PTPRS: variants seen among roughly 807,000 people sequenced by gnomAD.
The protein encoded by PTPRS is protein tyrosine phosphatase receptor type S, also known as receptor-type tyrosine-protein phosphatase S.
A neutral mutation model predicts 215.3 loss-of-function variants in PTPRS; 63 were observed. The ratio of observed to expected loss-of-function variants is 0.29; its 90% CI spans 0.24 to 0.36. The LOEUF (loss-of-function observed/expected upper bound fraction) is 0.36, where lower values mean the gene tolerates loss of function less well. PTPRS is among the 10% of genes least tolerant of loss of function. The probability of loss-of-function intolerance (pLI) is 1.00; values close to 1 mark genes in which losing one functional copy is unlikely to be tolerated. For synonymous variants in PTPRS, 1,404 were observed against 1,191.4 expected, an observed-to-expected ratio of 1.18 and a Z score of -3.68; for missense variants, 2,258 against 2,825.8, an observed-to-expected ratio of 0.80 and a Z score of 4.56.
Position 5,258,142 on chromosome 19 carries a change from G to A in PTPRS, c.596-15C>T. The A allele has an allele frequency of 6.2e-7, 1 of 1,608,818 alleles. No individual in the cohort carries two copies. The highest frequency in any genetic ancestry group is 1.1e-5 in the South Asian group (1 of 90,964). ...CTGCAGGGCTCCTGTGGGAAGATGG[G>A]AAAAAGCTTGGTCTGTTAGAGGGGG... On this transcript the variant is annotated splice_polypyrimidine_tract_variant and intron_variant, in intron 7 of 37. Transcript: ENST00000262963.
intron 1 of PTPRS, among the ~76,000 whole-genome samples, chr19:5,315,892 C>T (rs1476882347): frequency 6.8e-6 from 1 of 147,674 alleles, no homozygotes; most frequent in Non-Finnish European, 1.5e-5. Flanking sequence ...CAGCCTCCTG[C>T]GTAGCTGGGA....
chr19:5,247,447 C>T (rs1483427281), intron 9 of PTPRS, among the ~76,000 whole-genome samples: 3 of 152,030 alleles, frequency 2.0e-5, no homozygotes, highest in African/African-American at 7.2e-5. Context: ...CCCACGGGGG[C>T]TGTTTAACTG....
intron 4 of PTPRS, chr19:5,272,985 T>C (rs1000183650): frequency 5.7e-5 from 11 of 193,980 alleles, no homozygotes; most frequent in Admixed American, 1.6e-4. Context: ...TCCAAGTTCA[T>C]TGGCAGTGGG....
At chr19:5,267,439 C>CT (rs1038451169) in intron 4 of PTPRS, among the ~76,000 whole-genome samples, 9 of 151,672 alleles carry the variant, frequency 5.9e-5, no homozygotes, top group African/African-American at 2.2e-4. Context: ...GGTGGATCAC[C>CT]TGAGGTCAGG....
Position 5,257,547 on chromosome 19 carries a change from G to T in PTPRS, c.706+470C>A. On this transcript the variant is annotated intron_variant, in intron 8 of 37. Transcript: ENST00000262963. This position sits in a 1 kb window ranked among gnomAD's most constrained non-coding sequence, Gnocchi z 4.4. ...TCTAGATTGAGGGCCCTGGATTAGGGGGGGCAGTGAAGCGGGGAGCTACGA... is the reference window on the plus strand; with the variant it reads ...TCTAGATTGAGGGCCCTGGATTAGGTGGGGCAGTGAAGCGGGGAGCTACGA... The T allele has an allele frequency of 2.3e-6, 1 of 442,396 alleles. No individual in the cohort carries two copies. The highest frequency in any genetic ancestry group is 4.6e-6 in the Non-Finnish European group (1 of 219,542). 27.4% of individuals were successfully genotyped at this position (442,396 alleles called of 1,614,324 possible).
intron 13 of PTPRS, among the ~76,000 whole-genome samples, chr19:5,233,582 T>C (rs192868952): frequency 6.0e-5 from 9 of 151,112 alleles, no homozygotes; most frequent in East Asian, 1.9e-4. Flanking sequence ...GGAACAGCAA[T>C]AGAAGCTCCA....
Position 5,293,652 on chromosome 19 carries a change from G to A in PTPRS, c.-94-7418C>T, listed in dbSNP as rs1241032507. On this transcript the variant is annotated intron_variant, in intron 1 of 37. Coordinates refer to ENST00000262963, the MANE Select transcript of PTPRS (RefSeq NM_002850.4). The surrounding 1 kb of genome is among the most constrained non-coding windows in gnomAD (Gnocchi z 8.4). ...ACACACCCAACTACAGGAGGTCGGA[G>A]AAGGGGCAGAGTTCCCCTCCCAGTC... 2.0e-5 allele frequency among the ~76,000 whole-genome samples: 3 copies of A among 152,126 alleles called. No homozygotes were observed. The highest frequency in any genetic ancestry group is 4.4e-5 in the Non-Finnish European group (3 of 68,000).
intron 14 of PTPRS, 99 bp downstream of exon 14, chr19:5,231,211 C>G (rs889788519): frequency 1.2e-5 from 16 of 1,293,852 alleles, no homozygotes; most frequent in Non-Finnish European, 1.6e-5. Context: ...GTGAGGCTTC[C>G]GCCCTTTGAC....
chr19:5,307,842 G>A (rs971937639), intron 1 of PTPRS, among the ~76,000 whole-genome samples: 6 of 152,182 alleles, frequency 3.9e-5, no homozygotes, highest in African/African-American at 1.2e-4. Context: ...CCGGCCCACC[G>A]TTTGTTTTTA....
At chr19:5,220,783 G>A (rs2041911331) in intron 20 of PTPRS, among the ~76,000 whole-genome samples, 1 of 152,102 alleles carries the variant, frequency 6.6e-6, no homozygotes, top group African/African-American at 2.4e-5. Context: ...AGGCATATGG[G>A]GTATCAGGAA....
intron 1 of PTPRS, among the ~76,000 whole-genome samples, chr19:5,318,384 A>G (rs1033849092): frequency 6.6e-6 from 1 of 151,918 alleles, no homozygotes; most frequent in Non-Finnish European, 1.5e-5. Flanking sequence ...GATGACCGTG[A>G]AATGCTGCGA....
chr19:5,270,364 C>A (rs2046807010), intron 4 of PTPRS, among the ~76,000 whole-genome samples: 4 of 146,302 alleles, frequency 2.7e-5, no homozygotes, highest in Non-Finnish European at 4.5e-5. Context: ...GATCATAGCC[C>A]ACTGTAGCCT....
At chr19:5,225,447 G>A (rs1210128667) in intron 17 of PTPRS, among the ~76,000 whole-genome samples, 1 of 152,040 alleles carries the variant, frequency 6.6e-6, no homozygotes. Flanking sequence ...CCCAAGTAAA[G>A]GTTGAGAGGG....
intron 1 of PTPRS, among the ~76,000 whole-genome samples, chr19:5,319,840 C>G (rs1035890078): frequency 1.6e-4 from 25 of 152,062 alleles, no homozygotes; most frequent in Non-Finnish European, 1.6e-4. Context: ...ATGAAGCCGT[C>G]CCTACAGCCC....
intron 9 of PTPRS, among the ~76,000 whole-genome samples, chr19:5,246,878 A>G (rs1008101164): frequency 6.7e-6 from 1 of 149,322 alleles, no homozygotes; most frequent in Non-Finnish European, 1.5e-5. Flanking sequence ...ATCATGCAAA[A>G]TAGATTGAGA....
chr19:5,335,801 G>C lies in PTPRS; in HGVS notation c.-95+4863C>G, dbSNP rs1331342986. On this transcript the variant is annotated intron_variant, in intron 1 of 37. Transcript: ENST00000262963. ...AACCCCCAACCAGGGTGGGATCCGC[G>C]GGAATCAGAAGGAAACAGGAAGCCG... Among the ~76,000 whole-genome samples the C allele has an allele frequency of 2.0e-5, 3 of 152,200 alleles. No individual in the cohort carries two copies. In the South Asian group the frequency reaches 6.2e-4, roughly 32 times the overall value.
intron 1 of PTPRS, among the ~76,000 whole-genome samples, chr19:5,303,688 A>G (rs1271062801): frequency 2.0e-5 from 3 of 152,054 alleles, no homozygotes; most frequent in African/African-American, 7.2e-5. Flanking sequence ...GGTGGCTCAC[A>G]CCTGGAATCC....
intron 20 of PTPRS, among the ~76,000 whole-genome samples, chr19:5,220,748 C>T (rs2041908714): frequency 6.6e-6 from 1 of 152,148 alleles, no homozygotes; most frequent in African/African-American, 2.4e-5. Flanking sequence ...CTTTCAGGGG[C>T]CCTAGTAATA....
In PTPRS at chr19:5,231,440, G is replaced by A. The variant is rs2043004991; in HGVS notation, c.2025C>T (p.Pro675=). The A allele has an allele frequency of 9.3e-6, 15 of 1,613,016 alleles. No homozygotes were observed. Among genetic ancestry groups the A allele is most frequent in the Non-Finnish European group, 1.3e-5 (15 of 1,179,876 alleles). ...CCAGCAGGATCTGAGTGGTGGTCGG[G>A]GGGATGCCGTTCACCTCCTTGGGTT... ...DPEPKEVNGI[P]PTTTQILLEA... Residue 675 remains proline, a synonymous_variant, in exon 14 of 38, where the codon CCC becomes CCT. Coordinates refer to ENST00000262963, the MANE Select transcript of PTPRS (RefSeq NM_002850.4).
Sources: allele counts gnomAD v4.1 joint callset (sites outside exome capture counted in the v4.1 genomes callset), GRCh38; gene constraint gnomAD v4.1.1; non-coding constraint Gnocchi (gnomAD v3.1); transcripts MANE v1.5; gene names NCBI Gene and HGNC (gene_info 2026-07-23, HGNC 2026-07-21).